SLC24A4: variants seen among roughly 807,000 people sequenced by gnomAD.
SLC24A4 encodes solute carrier family 24 member 4.
A neutral mutation model predicts 79.0 loss-of-function variants in SLC24A4; 53 were observed. The ratio of observed to expected loss-of-function variants is 0.67; its 90% CI spans 0.54 to 0.84. SLC24A4 has a LOEUF of 0.84. SLC24A4 is among the 40% of genes least tolerant of loss of function. The probability of loss-of-function intolerance (pLI) is 0.00; values close to 1 mark genes in which losing one functional copy is unlikely to be tolerated. For missense variants in SLC24A4, 731 were observed against 822.0 expected, an observed-to-expected ratio of 0.89 and a Z score of 1.35; for synonymous variants, 323 against 323.8, an observed-to-expected ratio of 1.00 and a Z score of 0.03.
chr14:92,442,762 T>G lies in SLC24A4; in HGVS notation c.528T>G (p.Ser176=). The stretch of plus-strand genomic sequence containing the variant: ...TCGGGGTGGGCACCATCGTGGGCTC[T>G]GCTGTGTTCAACATCCTGTGCATAA... ...GDVGVGTIVG[S]AVFNILCIIG... Residue 176 remains serine (S), a synonymous_variant, in exon 6 of 17, where the codon TCT becomes TCG. Coordinates refer to ENST00000532405, the MANE Select transcript of SLC24A4 (RefSeq NM_153646.4). The G allele has an allele frequency of 6.2e-6, 10 of 1,614,210 alleles. No homozygotes were observed. Among genetic ancestry groups the G allele is most frequent in the Non-Finnish European group, 8.5e-6 (10 of 1,180,022 alleles).
At chr14:92,391,860 A>G (rs1183614540) in intron 2 of SLC24A4, among the ~76,000 whole-genome samples, 2 of 152,194 alleles carry the variant, frequency 1.3e-5, no homozygotes, top group African/African-American at 4.8e-5. Context: ...CGCCAGCACC[A>G]GCTGCCGGCC....
At chr14:92,324,036 T>A in intron 1 of SLC24A4, 76 bp downstream of exon 1, 1 of 1,536,306 alleles carries the variant, frequency 6.5e-7, no homozygotes, top group Non-Finnish European at 8.8e-7. Context: ...GGCTGCGAGA[T>A]GTTTTCCCCT....
intron 2 of SLC24A4, among the ~76,000 whole-genome samples, chr14:92,420,981 G>A (rs1351966722): frequency 1.3e-5 from 2 of 152,166 alleles, no homozygotes; most frequent in South Asian, 2.1e-4. Context: ...ACTGCTCCTC[G>A]GGCTTCTGTG....
intron 2 of SLC24A4, among the ~76,000 whole-genome samples, chr14:92,394,665 A>G (rs181337277): frequency 1.9e-4 from 29 of 152,354 alleles, no homozygotes; most frequent in Admixed American, 1.6e-3. Context: ...TTAATCTTAC[A>G]TAAAATTTTG....
intron 12 of SLC24A4, among the ~76,000 whole-genome samples, chr14:92,461,035 C>T (rs932322846): frequency 4.6e-5 from 7 of 152,232 alleles, no homozygotes; most frequent in Non-Finnish European, 1.0e-4. Flanking sequence ...CCCGTGGAAA[C>T]CATGGTCTGC....
chr14:92,393,750 C>A (rs759315098), intron 2 of SLC24A4, among the ~76,000 whole-genome samples: 1 of 151,994 alleles, frequency 6.6e-6, no homozygotes, highest in Admixed American at 6.5e-5. Context: ...GTGGCTCACA[C>A]CTGTAATCCC....
At chr14:92,394,206 A>G (rs1003409213) in intron 2 of SLC24A4, among the ~76,000 whole-genome samples, 1 of 151,956 alleles carries the variant, frequency 6.6e-6, no homozygotes, top group Admixed American at 6.6e-5. Flanking sequence ...TTATTCTCAC[A>G]GTTTTGTTTT....
chr14:92,485,210 T>TC (rs1895283667), intron 13 of SLC24A4, among the ~76,000 whole-genome samples: 1 of 152,156 alleles, frequency 6.6e-6, no homozygotes, highest in Admixed American at 6.5e-5. Context: ...ACACCTGTAA[T>TC]CCCAGCACTT....
chr14:92,400,157 G>GA (rs1440824347), intron 2 of SLC24A4, among the ~76,000 whole-genome samples: 1 of 152,134 alleles, frequency 6.6e-6, no homozygotes. Context: ...ATCAGAGTTG[G>GA]AGGCCGAGCG....
intron 2 of SLC24A4, among the ~76,000 whole-genome samples, chr14:92,335,518 C>A (rs1009705016): frequency 3.0e-5 from 3 of 99,102 alleles, no homozygotes; most frequent in African/African-American, 1.2e-4. Context: ...CCACGCCCAG[C>A]TAATTTTTGT....
chr14:92,331,215 C>A (rs561421874), intron 2 of SLC24A4, among the ~76,000 whole-genome samples: 1 of 152,286 alleles, frequency 6.6e-6, no homozygotes, highest in South Asian at 2.1e-4. Flanking sequence ...TCAAAGTAGC[C>A]CTCTGAGTCC....
chr14:92,410,805 C>T (rs948676526), intron 2 of SLC24A4, among the ~76,000 whole-genome samples: 1 of 152,210 alleles, frequency 6.6e-6, no homozygotes, highest in African/African-American at 2.4e-5. Context: ...CTTGCCTCTG[C>T]GGTCTCTGGA....
intron 5 of SLC24A4, 109 bp from the exon 6 acceptor site, chr14:92,442,604 C>A: frequency 1.4e-6 from 1 of 738,870 alleles, no homozygotes; most frequent in Non-Finnish European, 2.3e-6. Flanking sequence ...TTCACGGGTG[C>A]TCTGTTTGTT....
chr14:92,481,977 TGGTAGG>T (rs1180570620), intron 12 of SLC24A4, among the ~76,000 whole-genome samples: 1 of 152,186 alleles, frequency 6.6e-6, no homozygotes, highest in Non-Finnish European at 1.5e-5. Context: ...TGGATTCCCT[TGGTAGG>T]GGCCAGTGAG....
At chr14:92,391,046 C>G (rs912044091) in intron 2 of SLC24A4, among the ~76,000 whole-genome samples, 1 of 152,238 alleles carries the variant, frequency 6.6e-6, no homozygotes, top group Non-Finnish European at 1.5e-5. Flanking sequence ...AAGGCACCTG[C>G]TGCTGGGCTC....
intron 2 of SLC24A4, among the ~76,000 whole-genome samples, chr14:92,399,388 G>A (rs1484187604): frequency 6.6e-6 from 1 of 152,132 alleles, no homozygotes; most frequent in African/African-American, 2.4e-5. Context: ...TTTTTTTCCA[G>A]TAAGGGGTGA....
rs1396315113 is a variant in SLC24A4, at chr14:92,498,441, CT to C, written c.*4815del. The C allele has an allele frequency of 2.6e-5, 4 of 152,100 alleles. No homozygotes were observed. Among genetic ancestry groups the C allele is most frequent in the African/African-American group, 9.7e-5 (4 of 41,358 alleles). The allele number at this position is 152,100 out of a possible 1,614,324, so 9.4% of individuals were successfully genotyped here. On this transcript the variant is annotated 3_prime_UTR_variant, in exon 17 of 17. Coordinates refer to ENST00000532405, the MANE Select transcript of SLC24A4 (RefSeq NM_153646.4). ...CGGCTTGTGTGGGGGGCCCCTTCGC[CT>C]TGCTGCAAAGAGCTGTTCCCCAAAG...
intron 2 of SLC24A4, among the ~76,000 whole-genome samples, chr14:92,430,166 C>G (rs1286070689): frequency 6.6e-6 from 1 of 152,194 alleles, no homozygotes; most frequent in African/African-American, 2.4e-5. Context: ...TTGCCTTTCC[C>G]CAAAAGTCAA....
chr14:92,379,848 C>T (rs1888730596), intron 2 of SLC24A4, among the ~76,000 whole-genome samples: 1 of 152,152 alleles, frequency 6.6e-6, no homozygotes, highest in Non-Finnish European at 1.5e-5. Flanking sequence ...CCCATACTTC[C>T]TACCACGCCT....
Sources: gnomAD v4.1 joint callset for allele counts (sites outside exome capture counted in the v4.1 genomes callset) on GRCh38, gnomAD v4.1.1 for gene constraint, MANE v1.5 for transcripts, NCBI Gene and HGNC (gene_info 2026-07-23, HGNC 2026-07-21) for gene names.